The following GRM7 variants were observed in gnomAD, a reference collection of about 807,000 sequenced individuals.
GRM7 encodes the protein metabotropic glutamate receptor 7.
A neutral mutation model predicts 84.5 loss-of-function variants in GRM7; 35 were observed. That is an observed-to-expected ratio of 0.41 (90% confidence interval 0.32 to 0.55). The LOEUF (loss-of-function observed/expected upper bound fraction) is 0.55, where lower values mean the gene tolerates loss of function less well. GRM7 is among the 20% of genes least tolerant of loss of function. The pLI is 0.19. For synonymous variants in GRM7, 487 were observed against 455.1 expected (o/e 1.07, Z -0.89); for missense variants, 1,003 against 1,194.6 (o/e 0.84, Z 2.36).
chr3:7,330,570 A>G (rs12638935), intron 4 of GRM7, among the ~76,000 whole-genome samples: 67,461 of 151,972 alleles, frequency 0.44, 17,523 homozygotes, highest in South Asian at 0.61. Flanking sequence ...TGGATCCCCC[A>G]TACTGTTCTT....
chr3:7,215,651 C>A (rs371559182), intron 2 of GRM7, among the ~76,000 whole-genome samples: 1 of 150,684 alleles, frequency 6.6e-6, no homozygotes. Flanking sequence ...GGCGACAGAG[C>A]GAGACTCTGT....
chr3:7,539,220 C>T (rs1692726489), intron 7 of GRM7, among the ~76,000 whole-genome samples: 1 of 152,158 alleles, frequency 6.6e-6, no homozygotes, highest in Admixed American at 6.5e-5. Context: ...CCACCAAACC[C>T]TCATCCTAGC....
At chr3:6,937,700 A>T (rs1383512185) in intron 1 of GRM7, among the ~76,000 whole-genome samples, 1 of 152,148 alleles carries the variant, frequency 6.6e-6, no homozygotes, top group Non-Finnish European at 1.5e-5. Flanking sequence ...AGCTTGTAGA[A>T]ACACCAGTCT....
Position 7,241,763 on chromosome 3 carries a change from G to A in GRM7, c.737-56921G>A, listed in dbSNP as rs529162466. On this transcript the variant is annotated intron_variant, in intron 2 of 9. Coordinates refer to ENST00000357716, the MANE Select transcript of GRM7 (RefSeq NM_000844.4). ...ACTTCAGGTTTGCCAGCAAAGTCCC[G>A]TGATTTCTCCAACCAGCTTTCCAGG... Among the ~76,000 whole-genome samples, 8 of 152,170 alleles carry A rather than the reference G, an allele frequency of 5.3e-5. No homozygotes were observed. In the South Asian group the frequency reaches 1.5e-3, roughly 28 times the overall value.
At chr3:7,122,799 A>C (rs1261665300) in intron 1 of GRM7, among the ~76,000 whole-genome samples, 1 of 152,230 alleles carries the variant, frequency 6.6e-6, no homozygotes, top group Non-Finnish European at 1.5e-5. Context: ...TCAGACACAA[A>C]TAACTTTTCA....
At chr3:7,014,922 A>C (rs1259497809) in intron 1 of GRM7, among the ~76,000 whole-genome samples, 2 of 152,128 alleles carry the variant, frequency 1.3e-5, no homozygotes, top group African/African-American at 4.8e-5. Flanking sequence ...TGTAAAACGC[A>C]CTGATCAGTG....
At chr3:7,636,069 C>T (rs1285181674) in intron 8 of GRM7, among the ~76,000 whole-genome samples, 1 of 152,140 alleles carries the variant, frequency 6.6e-6, no homozygotes, top group Non-Finnish European at 1.5e-5. Flanking sequence ...TCAAAACTAG[C>T]CAATTTTAGA....
At chr3:7,373,116 G>T (rs1433428724) in intron 4 of GRM7, among the ~76,000 whole-genome samples, 6 of 152,204 alleles carry the variant, frequency 3.9e-5, no homozygotes, top group Middle Eastern at 3.4e-3. Flanking sequence ...TCAGTATGAA[G>T]TTACACAGTT....
chr3:6,875,298 G>A (rs1695261081), intron 1 of GRM7, among the ~76,000 whole-genome samples: 2 of 151,332 alleles, frequency 1.3e-5, no homozygotes, highest in South Asian at 4.2e-4. Context: ...TGGTTTGGCT[G>A]TGTCCGCAAC....
chr3:7,065,788 T>C (rs1183368622), intron 1 of GRM7, among the ~76,000 whole-genome samples: 1 of 151,788 alleles, frequency 6.6e-6, no homozygotes, highest in Non-Finnish European at 1.5e-5. Flanking sequence ...GGCAATATGG[T>C]GATTTTCACT....
intron 1 of GRM7, among the ~76,000 whole-genome samples, chr3:7,130,712 A>G (rs144606366): frequency 6.6e-6 from 1 of 152,250 alleles, no homozygotes; most frequent in East Asian, 1.9e-4. Context: ...CAGTCAACCT[A>G]AAATGCAATT....
At chr3:7,095,985 C>T (rs1488231639) in intron 1 of GRM7, among the ~76,000 whole-genome samples, 1 of 152,024 alleles carries the variant, frequency 6.6e-6, no homozygotes, top group Non-Finnish European at 1.5e-5. Flanking sequence ...CACATATTCA[C>T]ACAGTTTACT....
intron 7 of GRM7, among the ~76,000 whole-genome samples, chr3:7,530,337 C>T (rs1376485355): frequency 2.0e-5 from 3 of 152,114 alleles, no homozygotes; most frequent in Non-Finnish European, 4.4e-5. Flanking sequence ...TTTATCCAGT[C>T]TATCATTAAT....
chr3:7,636,505 G>A, intron 8 of GRM7: 1 of 297,124 alleles, frequency 3.4e-6, no homozygotes, highest in South Asian at 3.2e-5. Flanking sequence ...AGGTAATAAG[G>A]AGAGTTCTAT....
intron 2 of GRM7, among the ~76,000 whole-genome samples, chr3:7,185,414 A>C (rs2125100804): frequency 6.6e-6 from 1 of 152,252 alleles, no homozygotes; most frequent in Non-Finnish European, 1.5e-5. Flanking sequence ...CTCAAAGAAG[A>C]GCTCAAGACA....
chr3:7,103,812 TTCTTTCTC>T (rs1351056998), intron 1 of GRM7, among the ~76,000 whole-genome samples: 32 of 81,792 alleles, frequency 3.9e-4, no homozygotes, highest in African/African-American at 2.1e-3. Context: ...CTTTCTTTCT[TTCTTTCTC>T]TCTCTCTCTG....
Position 7,617,721 on chromosome 3 carries a change from G to A in GRM7, c.2451+38364G>A, listed in dbSNP as rs528830210. On this transcript the variant is annotated intron_variant, in intron 8 of 9. Transcript: ENST00000357716. ...ATAGCCTTATGAATAAAACAACAGC[G>A]CAAGTATCAAGACATTTAATATCTT... Among the ~76,000 whole-genome samples, 17 of 152,204 alleles carry A rather than the reference G, an allele frequency of 1.1e-4. 1 individual carries two copies. Among genetic ancestry groups the A allele is most frequent in the South Asian group, 6.2e-4 (3 of 4,826 alleles).
chr3:7,318,112 C>A (rs1700646552), intron 4 of GRM7, among the ~76,000 whole-genome samples: 1 of 152,082 alleles, frequency 6.6e-6, no homozygotes, highest in African/African-American at 2.4e-5. Context: ...AACGTCCTAT[C>A]TTTTGAATCA....
intron 2 of GRM7, among the ~76,000 whole-genome samples, chr3:7,225,248 A>G (rs1696944623): frequency 6.6e-6 from 1 of 151,540 alleles, no homozygotes; most frequent in Non-Finnish European, 1.5e-5. Flanking sequence ...TTGCTTTTTT[A>G]AAGACTGATA....
Sources: allele counts gnomAD v4.1 joint callset (sites outside exome capture counted in the v4.1 genomes callset), GRCh38; gene constraint gnomAD v4.1.1; transcripts MANE v1.5; gene names NCBI Gene and HGNC (gene_info 2026-07-23, HGNC 2026-07-21).